The following SIPA1L1 variants were observed in gnomAD, a reference collection of about 807,000 sequenced individuals.
SIPA1L1 encodes signal-induced proliferation-associated 1-like protein 1.
SIPA1L1 carries 26 observed loss-of-function variants against 162.7 expected under a neutral mutation model. That is an observed-to-expected ratio of 0.16 (90% CI 0.12 to 0.22). The LOEUF (loss-of-function observed/expected upper bound fraction) is 0.22. Ranked by LOEUF, SIPA1L1 falls within the 10% of genes least tolerant of loss-of-function variation. The pLI is 1.00. For synonymous variants in SIPA1L1, 829 were observed against 837.4 expected (o/e 0.99, Z 0.17); for missense variants, 1,874 against 2,241.0 (o/e 0.84, Z 3.31).
At chr14:71,687,187 G>A (rs2080932618) in intron 13 of SIPA1L1, among the ~76,000 whole-genome samples, 1 of 152,178 alleles carries the variant, frequency 6.6e-6, no homozygotes, top group Non-Finnish European at 1.5e-5. Context: ...TCATCCTGGA[G>A]ATCTGTTTAC....
intron 4 of SIPA1L1, among the ~76,000 whole-genome samples, chr14:71,585,116 G>T (rs796944222): frequency 2.7e-4 from 36 of 132,978 alleles, no homozygotes; most frequent in African/African-American, 9.6e-4. Context: ...CCCCAAAGGG[G>T]TTTGATGCTA....
At chr14:71,536,855 A>G (rs970712010) in intron 4 of SIPA1L1, among the ~76,000 whole-genome samples, 1 of 152,346 alleles carries the variant, frequency 6.6e-6, no homozygotes, top group Admixed American at 6.5e-5. Flanking sequence ...CATCACATTG[A>G]GATTTTAGCA....
chr14:71,387,538 A>G (rs2040434562), intron 2 of SIPA1L1, among the ~76,000 whole-genome samples: 1 of 152,194 alleles, frequency 6.6e-6, no homozygotes, highest in Admixed American at 6.5e-5. Flanking sequence ...TAGCCAAGAA[A>G]GGTGTGTGTG....
intron 5 of SIPA1L1, among the ~76,000 whole-genome samples, chr14:71,597,663 A>G (rs2147903657): frequency 6.6e-6 from 1 of 152,282 alleles, no homozygotes; most frequent in African/African-American, 2.4e-5. Flanking sequence ...GGGTTTTATC[A>G]TGTTCCACTC....
In SIPA1L1 at chr14:71,740,185, G is replaced by T. The variant is rs1344717998; in HGVS notation, c.*1024G>T. ...TAACTAGGAGAAGCTAACAGTGAAT[G>T]TTTAATTGTGAATTTTAATCATTGC... On this transcript the variant is annotated 3_prime_UTR_variant, in exon 24 of 24. Transcript: ENST00000381232. The T allele has an allele frequency of 6.6e-6, 1 of 152,198 alleles. No individual in the cohort carries two copies. The highest frequency in any genetic ancestry group is 1.5e-5 in the Non-Finnish European group (1 of 68,036). The allele number at this position is 152,198 out of a possible 1,614,324, so 9.4% of individuals were successfully genotyped here. A position where few individuals can be genotyped will look rare whatever the true frequency, so the allele number is the denominator to read the frequency against.
intron 4 of SIPA1L1, among the ~76,000 whole-genome samples, chr14:71,535,501 T>C (rs1160183228): frequency 6.6e-6 from 1 of 152,106 alleles, no homozygotes; most frequent in Non-Finnish European, 1.5e-5. Context: ...TTAAAAGGAA[T>C]GCCTTCTGCT....
intron 4 of SIPA1L1, among the ~76,000 whole-genome samples, chr14:71,536,504 G>T (rs1159957929): frequency 6.6e-6 from 1 of 152,200 alleles, no homozygotes; most frequent in Admixed American, 6.5e-5. Flanking sequence ...TGTTTTAAAG[G>T]AAGTCTGCAT....
chr14:71,709,327 G>C lies in SIPA1L1; in HGVS notation c.3871G>C (p.Glu1291Gln), dbSNP rs771656202. 6.2e-7 allele frequency: 1 copy of C among 1,614,202 alleles called. No homozygotes were observed. The highest frequency in any genetic ancestry group is 1.1e-5 in the South Asian group (1 of 91,072). Reference sequence around the variant, plus strand: ...GTACGATGGGGACCGCACAGAATCCGAACTCAACAGCTATAACTATCTGCA... The same window carrying C: ...GTACGATGGGGACCGCACAGAATCCCAACTCAACAGCTATAACTATCTGCA... ...KWYDGDRTES[E>Q]LNSYNYLQGT... Residue 1291 changes from glutamate (E) to glutamine (Q), a missense_variant, in exon 17 of 24, where the codon GAA becomes CAA. Physicochemically the swap from Glu to Gln is conservative, Grantham distance 29. Transcript: ENST00000381232.
At chr14:71,399,845 C>T (rs904310056) in intron 2 of SIPA1L1, among the ~76,000 whole-genome samples, 1 of 151,990 alleles carries the variant, frequency 6.6e-6, no homozygotes, top group African/African-American at 2.4e-5. Context: ...CTCAGCCTCC[C>T]GAGTAGCTGG....
chr14:71,398,796 A>G (rs769994587), intron 2 of SIPA1L1, among the ~76,000 whole-genome samples: 13 of 152,148 alleles, frequency 8.5e-5, no homozygotes, highest in East Asian at 1.9e-4. Context: ...ACCTATTTAC[A>G]CTTTGTGTCC....
chr14:71,647,334 T>C (rs2149028363), intron 7 of SIPA1L1, among the ~76,000 whole-genome samples: 1 of 152,212 alleles, frequency 6.6e-6, no homozygotes, highest in East Asian at 1.9e-4. Context: ...TGTCCTTGAA[T>C]TCTGCTTGTC....
At chr14:71,459,793 T>A (rs2046453975) in intron 2 of SIPA1L1, among the ~76,000 whole-genome samples, 1 of 152,172 alleles carries the variant, frequency 6.6e-6, no homozygotes, top group African/African-American at 2.4e-5. Flanking sequence ...CCCTTACAGA[T>A]ATACACAGCA....
At chr14:71,679,017 A>G (rs1027631305) in intron 12 of SIPA1L1, among the ~76,000 whole-genome samples, 6 of 152,178 alleles carry the variant, frequency 3.9e-5, no homozygotes, top group African/African-American at 7.2e-5. Flanking sequence ...ACTCTTCAGG[A>G]TATTATCCTG....
At chr14:71,351,642 G>C (rs2036719918) in intron 2 of SIPA1L1, among the ~76,000 whole-genome samples, 1 of 152,138 alleles carries the variant, frequency 6.6e-6, no homozygotes, top group Non-Finnish European at 1.5e-5. Context: ...ATCAGAACCT[G>C]ATCTGGAACT....
chr14:71,561,539 C>A (rs1328990761), intron 4 of SIPA1L1, among the ~76,000 whole-genome samples: 2 of 152,160 alleles, frequency 1.3e-5, no homozygotes, highest in African/African-American at 4.8e-5. Context: ...TGTTAATTAA[C>A]AAGTGAAGAA....
Position 71,650,528 on chromosome 14 carries a change from C to G in SIPA1L1, c.1993+19C>G. On this transcript the variant is annotated intron_variant, in intron 8 of 23. Coordinates refer to ENST00000381232, the MANE Select transcript of SIPA1L1 (RefSeq NM_001386936.1). ...ACCAAAAGTAAGAAATACTTACACC[C>G]TCCTACTAGGCTTATTTTCCCCCTG... 6.2e-7 allele frequency: 1 copy of G among 1,610,646 alleles called. No homozygotes were observed.
At chr14:71,418,771 T>C (rs115974769) in intron 2 of SIPA1L1, among the ~76,000 whole-genome samples, 2,747 of 152,312 alleles carry the variant, frequency 0.018, 33 homozygotes, top group African/African-American at 0.027. Context: ...TTTAAGTGCC[T>C]TTCCCCAAAA....
intron 17 of SIPA1L1, among the ~76,000 whole-genome samples, chr14:71,712,790 T>C (rs903190465): frequency 6.6e-6 from 1 of 152,196 alleles, no homozygotes; most frequent in African/African-American, 2.4e-5. Flanking sequence ...TGCACATAGA[T>C]ATCTCTTCTG....
At chr14:71,474,717 C>T (rs2047713678) in intron 2 of SIPA1L1, among the ~76,000 whole-genome samples, 1 of 152,208 alleles carries the variant, frequency 6.6e-6, no homozygotes, top group Admixed American at 6.5e-5. Context: ...CAGAATCCCT[C>T]CCCTGATTGG....
Sources: gnomAD v4.1 joint callset for allele counts (sites outside exome capture counted in the v4.1 genomes callset) on GRCh38, gnomAD v4.1.1 for gene constraint, MANE v1.5 for transcripts, NCBI Gene and HGNC (gene_info 2026-07-23, HGNC 2026-07-21) for gene names.